The following ZFP62 variants were observed in gnomAD, a reference collection of about 807,000 sequenced individuals.
ZFP62 encodes ZFP62 zinc finger protein, also known as zinc finger protein 62 homolog.
A neutral mutation model predicts 56.4 loss-of-function variants in ZFP62; 44 were observed. The ratio of observed to expected loss-of-function variants is 0.78; its 90% CI spans 0.61 to 1.00. The LOEUF (loss-of-function observed/expected upper bound fraction) is 1.00, where lower values mean the gene tolerates loss of function less well. Ranked by LOEUF, ZFP62 falls within the 50% of genes least tolerant of loss-of-function variation. ZFP62 has a pLI of 0.00. For synonymous variants in ZFP62, 421 were observed against 388.9 expected (o/e 1.08, Z -0.97); for missense variants, 1,030 against 1,085.7 (o/e 0.95, Z 0.72).
At chr5:180,833,110 T>C in the ZFP62 span, among the ~76,000 whole-genome samples, 21 of 152,174 alleles carry the variant, frequency 1.4e-4, no homozygotes, top group Admixed American at 3.9e-4. Flanking sequence ...AAAATTAATG[T>C]TGAAATCTAT....
intron 1 of ZFP62, among the ~76,000 whole-genome samples, chr5:180,861,015 GC>G (rs1275463846): frequency 6.6e-6 from 1 of 152,178 alleles, no homozygotes; most frequent in Non-Finnish European, 1.5e-5. Flanking sequence ...CCAGGGGCGC[GC>G]CCTGCACCCC....
In ZFP62 at chr5:180,856,563, G is replaced by C. The variant is rs186508721; in HGVS notation, c.1+4656C>G. On this transcript the variant is annotated intron_variant, in intron 1 of 1. Coordinates refer to ENST00000502412, the MANE Select transcript of ZFP62 (RefSeq NM_001172638.2). Reference sequence around the variant, plus strand: ...ATCCTGTTTGTTTTCCAGGCCCCGGGCTATTCCTATCCAAAGACATGGATA... The same window carrying C: ...ATCCTGTTTGTTTTCCAGGCCCCGGCCTATTCCTATCCAAAGACATGGATA... Among the ~76,000 whole-genome samples the C allele has an allele frequency of 2.9e-3, 448 of 152,212 alleles. 4 individuals are homozygous for C. The highest frequency in any genetic ancestry group is 0.01 in the African/African-American group (433 of 41,524).
chr5:180,854,637 T>C (rs1484390096), intron 1 of ZFP62, among the ~76,000 whole-genome samples: 1 of 152,188 alleles, frequency 6.6e-6, no homozygotes, highest in East Asian at 1.9e-4. Context: ...GGTGTTCTAA[T>C]TTAACACCTC....
the ZFP62 span, chr5:180,830,060 A>G: frequency 6.6e-6 from 1 of 152,330 alleles, no homozygotes; most frequent in South Asian, 2.1e-4. Context: ...GGCACCACCA[A>G]GACCCCCTCA....
chr5:180,836,327 C>G, the ZFP62 span, among the ~76,000 whole-genome samples: 1 of 152,258 alleles, frequency 6.6e-6, no homozygotes, highest in Non-Finnish European at 1.5e-5. Context: ...CCATTGCCCT[C>G]TGAAGGCTCT....
the ZFP62 span, among the ~76,000 whole-genome samples, chr5:180,838,996 G>T: frequency 0.12 from 17,735 of 152,162 alleles, 1,108 homozygotes; most frequent in South Asian, 0.15. Context: ...ACAAAAACTG[G>T]AAACCACCAA....
rs1023350121 is a variant in ZFP62 at position 180,848,767 on chromosome 5, G to A, written c.*25C>T. The A allele has an allele frequency of 1.3e-5, 19 of 1,479,272 alleles. No individual in the cohort carries two copies. The highest frequency in any genetic ancestry group is 5.2e-5 in the Admixed American group (2 of 38,674). 91.6% of individuals were successfully genotyped at this position (1,479,272 alleles called of 1,614,324 possible). ...TAAGGTATTTCTTCCATTTGAGTTC[G>A]GAGAGACTTGGTAAGCTCTGCCTGC... On this transcript the variant is annotated 3_prime_UTR_variant, in exon 2 of 2. Transcript: ENST00000502412.
downstream of ZFP62, among the ~76,000 whole-genome samples, chr5:180,846,132 C>G (rs1018328313): frequency 6.6e-6 from 1 of 152,172 alleles, no homozygotes; most frequent in Non-Finnish European, 1.5e-5. Context: ...TGGGTCTGTG[C>G]TACAAGGGAG....
chr5:180,847,680 AAGAG>A lies in ZFP62; in HGVS notation c.*1108_*1111del, dbSNP rs1400862969. ...CCACAAGGAGCTGGCTTTCATGACA[AAGAG>A]AGAGTGAGCCCTGAACAAAGTATTC... On this transcript the variant is annotated 3_prime_UTR_variant, in exon 2 of 2. Coordinates refer to ENST00000502412, the MANE Select transcript of ZFP62 (RefSeq NM_001172638.2). The A allele has an allele frequency of 1.0e-5, 10 of 985,060 alleles. No individual in the cohort carries two copies. Among genetic ancestry groups the A allele is most frequent in the Non-Finnish European group, 1.2e-5 (10 of 829,664 alleles). 61.0% of individuals were successfully genotyped at this position (985,060 alleles called of 1,614,324 possible). A position where few individuals can be genotyped will look rare whatever the true frequency, so the allele number is the denominator to read the frequency against.
chr5:180,843,459 A>G (rs1433005143), downstream of ZFP62, among the ~76,000 whole-genome samples: 1 of 152,208 alleles, frequency 6.6e-6, no homozygotes, highest in Non-Finnish European at 1.5e-5. Context: ...AGGTACATCT[A>G]AAACATAAAA....
In ZFP62 at chr5:180,849,576, G is replaced by C; in HGVS notation, c.1919C>G (p.Thr640Ser). 2 of 1,552,112 alleles carry C rather than the reference G, an allele frequency of 1.3e-6. No homozygotes were observed. The highest frequency in any genetic ancestry group is 2.0e-5 in the Admixed American group (1 of 51,004). The change falls in exon 2 of 2, where the codon ACT becomes AGT. Residue 640 changes from threonine (T) to serine (S), a missense_variant. Thr to Ser is a moderately conservative substitution (Grantham distance 58). Coordinates refer to ENST00000502412, the MANE Select transcript of ZFP62 (RefSeq NM_001172638.2). ...GTCACATTCATAGGGTTTCTCTCTA[G>C]TGTGGACCCTTCTGTGCTGAGAAAG... ...SLLSQHRRVH[T>S]REKPYECDRC... is the part of the protein sequence containing the mutation.
chr5:180,833,266 G>A, the ZFP62 span, among the ~76,000 whole-genome samples: 1 of 151,934 alleles, frequency 6.6e-6, no homozygotes, highest in African/African-American at 2.4e-5. Flanking sequence ...GGATCACGAG[G>A]TCAAGAGATC....
downstream of ZFP62, among the ~76,000 whole-genome samples, chr5:180,843,908 G>A (rs556402902): frequency 7.2e-5 from 11 of 152,304 alleles, no homozygotes; most frequent in East Asian, 7.7e-4. Flanking sequence ...GCAGTCACAT[G>A]GACCATGTTT....
chr5:180,839,228 G>T, the ZFP62 span, among the ~76,000 whole-genome samples: 2 of 152,180 alleles, frequency 1.3e-5, no homozygotes, highest in Non-Finnish European at 2.9e-5. Flanking sequence ...ATAAAGGCCT[G>T]GTATAGAGCA....
At chr5:180,843,069 A>T (rs532075468), downstream of ZFP62, among the ~76,000 whole-genome samples, 73 of 150,166 alleles carry the variant, frequency 4.9e-4, no homozygotes, top group Middle Eastern at 3.4e-3. Flanking sequence ...AAATAAATTT[A>T]AAAAAAAAGA....
In ZFP62 at chr5:180,848,670, C is replaced by T; in HGVS notation, c.*122G>A. 1 of 1,399,142 alleles carries T rather than the reference C, an allele frequency of 7.1e-7. No individual in the cohort carries two copies. Among genetic ancestry groups the T allele is most frequent in the East Asian group, 2.5e-5 (1 of 39,688 alleles). The allele number at this position is 1,399,142 out of a possible 1,614,324, so 86.7% of individuals were successfully genotyped here. A position where few individuals can be genotyped will look rare whatever the true frequency, so the allele number is the denominator to read the frequency against. On this transcript the variant is annotated 3_prime_UTR_variant, in exon 2 of 2. Transcript: ENST00000502412. Reference sequence around the variant, plus strand: ...TGAAAATCACATAGAAAGGATTCCTCATAATCCTCTAGGATGGTTTCATTT... The same window carrying T: ...TGAAAATCACATAGAAAGGATTCCTTATAATCCTCTAGGATGGTTTCATTT...
chr5:180,847,405 T>C (rs1773442295), downstream of ZFP62, among the ~76,000 whole-genome samples: 1 of 152,174 alleles, frequency 6.6e-6, no homozygotes, highest in Non-Finnish European at 1.5e-5. Context: ...GTAACGACGA[T>C]CACATGGCTC....
intron 1 of ZFP62, among the ~76,000 whole-genome samples, chr5:180,856,980 C>CAAAAAAAAAAAAAAA (rs1554137667): frequency 1.3e-5 from 1 of 77,726 alleles, no homozygotes. Context: ...AAAAAAAAAG[C>CAAAAAAAAAAAAAAA]AAATACAGGA....
At chr5:180,837,639 C>A in the ZFP62 span, among the ~76,000 whole-genome samples, 1 of 152,280 alleles carries the variant, frequency 6.6e-6, no homozygotes, top group Non-Finnish European at 1.5e-5. Context: ...AATTCGGAGG[C>A]TCTGGAATGT....
Sources: gnomAD v4.1 joint callset for allele counts (sites outside exome capture counted in the v4.1 genomes callset) on GRCh38, gnomAD v4.1.1 for gene constraint, MANE v1.5 for transcripts, NCBI Gene and HGNC (gene_info 2026-07-23, HGNC 2026-07-21) for gene names.